The following PLCE1 variants were observed in gnomAD, a reference collection of about 807,000 sequenced individuals.
PLCE1 encodes 1-phosphatidylinositol 4,5-bisphosphate phosphodiesterase epsilon-1.
A neutral mutation model predicts 242.8 loss-of-function variants in PLCE1; 119 were observed. The observed-to-expected ratio is 0.49, with a 90% CI of 0.42 to 0.57. The LOEUF is 0.57. PLCE1 is among the 20% of genes least tolerant of loss of function. The pLI is 0.00. For synonymous variants in PLCE1, 945 were observed against 1,017.4 expected (o/e 0.93, Z 1.35); for missense variants, 2,441 against 2,788.8 (o/e 0.88, Z 2.81).
intron 22 of PLCE1, chr10:94,287,099 T>C (rs2052476642): frequency 6.6e-6 from 1 of 152,244 alleles, no homozygotes; most frequent in South Asian, 2.1e-4. Flanking sequence ...CAGGAGGTCA[T>C]GTGATAGAGC....
chr10:94,103,077 A>G (rs565297258), intron 2 of PLCE1, among the ~76,000 whole-genome samples: 1 of 152,356 alleles, frequency 6.6e-6, no homozygotes, highest in South Asian at 2.1e-4. Context: ...AGATAGATAT[A>G]CCAAAAATTT....
chr10:94,284,193 G>A (rs1221280251), intron 21 of PLCE1, among the ~76,000 whole-genome samples: 1 of 152,234 alleles, frequency 6.6e-6, no homozygotes, highest in Non-Finnish European at 1.5e-5. Flanking sequence ...TGTCAACTGT[G>A]TTGAATGTAA....
At chr10:94,240,094 C>G (rs1412471451) in intron 7 of PLCE1, among the ~76,000 whole-genome samples, 2 of 152,182 alleles carry the variant, frequency 1.3e-5, no homozygotes, top group African/African-American at 4.8e-5. Flanking sequence ...TTCCCACTAT[C>G]TGCACAACAT....
chr10:94,311,731 G>C (rs1380285828), intron 27 of PLCE1, among the ~76,000 whole-genome samples: 1 of 152,148 alleles, frequency 6.6e-6, no homozygotes, highest in Non-Finnish European at 1.5e-5. Flanking sequence ...CTCTGGGTTT[G>C]CCACCTCTGT....
At chr10:94,018,471 T>C (rs886156772) in intron 1 of PLCE1, among the ~76,000 whole-genome samples, 3 of 152,170 alleles carry the variant, frequency 2.0e-5, no homozygotes, top group East Asian at 3.9e-4. Flanking sequence ...TGTGATTCCC[T>C]CTCTGTTCTG....
At chr10:94,312,677 G>C (rs373679000) in intron 27 of PLCE1, among the ~76,000 whole-genome samples, 1 of 152,198 alleles carries the variant, frequency 6.6e-6, no homozygotes. Context: ...CCTTGGCAGG[G>C]ATAGTGTCCC....
intron 20 of PLCE1, chr10:94,280,203 T>C (rs1246570292): frequency 2.3e-6 from 1 of 437,976 alleles, no homozygotes; most frequent in East Asian, 4.9e-5. Flanking sequence ...TTTTCACCCT[T>C]TAGTTTCTAG....
Position 94,236,114 on chromosome 10 carries a change from G to T in PLCE1, c.2414G>T (p.Arg805Leu), listed in dbSNP as rs757088793. 16 of 1,612,888 alleles carry T rather than the reference G, an allele frequency of 9.9e-6. No homozygotes were observed. In the Admixed American group the frequency reaches 1.8e-4, roughly 18 times the overall value. Reference sequence around the variant, plus strand: ...AAAAGCTCCTTGAAGGATAAAAGCCGATGGCAGTAAGTTTTACACGTTAAA... The same window carrying T: ...AAAAGCTCCTTGAAGGATAAAAGCCTATGGCAGTAAGTTTTACACGTTAAA... The part of the protein sequence containing the change: ...SRKSSLKDKS[R>L]WQFIIGDLLD... Residue 805 changes from arginine (R) to leucine (L), a missense_variant, in exon 7 of 33, where the codon CGA becomes CTA. Transcript: ENST00000371380.
intron 1 of PLCE1, among the ~76,000 whole-genome samples, chr10:94,015,641 G>C (rs547381568): frequency 2.0e-5 from 3 of 152,142 alleles, no homozygotes; most frequent in Non-Finnish European, 4.4e-5. Flanking sequence ...AAAGCTTCCT[G>C]ACTAGAACGT....
intron 4 of PLCE1, among the ~76,000 whole-genome samples, chr10:94,206,804 C>G (rs2049171067): frequency 6.6e-6 from 1 of 152,180 alleles, no homozygotes; most frequent in African/African-American, 2.4e-5. Context: ...TCCAGACCAA[C>G]TCTTAATCAG....
rs770246086 is a variant in PLCE1, at chr10:94,171,433, G to T, written c.1746G>T (p.Ser582=). The change falls in exon 4 of 33, where the codon TCG becomes TCT. Residue 582 remains serine (S), a synonymous_variant. Coordinates refer to ENST00000371380, the MANE Select transcript of PLCE1 (RefSeq NM_016341.4). ...GCCTCAAAGCATCCATCTCAGCGTC[G>T]ATTCTTACCACTCAGAATGGAGAGC... ...LPCLKASISA[S]ILTTQNGEHN... is the part of the protein sequence containing the mutation. 2 of 1,614,176 alleles carry T rather than the reference G, an allele frequency of 1.2e-6. No individual in the cohort carries two copies. The highest frequency in any genetic ancestry group is 8.5e-7 in the Non-Finnish European group (1 of 1,180,014).
chr10:94,151,388 A>G (rs2047269785), intron 3 of PLCE1, among the ~76,000 whole-genome samples: 2 of 152,238 alleles, frequency 1.3e-5, no homozygotes, highest in South Asian at 4.1e-4. Context: ...ACTGGTGGGC[A>G]AATGGACGCA....
intron 5 of PLCE1, among the ~76,000 whole-genome samples, chr10:94,230,116 A>G (rs1162497355): frequency 6.6e-6 from 1 of 152,164 alleles, no homozygotes; most frequent in Non-Finnish European, 1.5e-5. Flanking sequence ...TTTTATGGAC[A>G]TTGTACATTT....
chr10:94,029,815 C>T (rs1334482113), intron 1 of PLCE1, among the ~76,000 whole-genome samples: 1 of 152,086 alleles, frequency 6.6e-6, no homozygotes, highest in Non-Finnish European at 1.5e-5. Flanking sequence ...GTGTTGGCAG[C>T]AGAGCGTGAC....
intron 2 of PLCE1, chr10:94,100,187 T>C (rs540195625): frequency 2.0e-5 from 3 of 152,126 alleles, no homozygotes; most frequent in African/African-American, 7.2e-5. Flanking sequence ...TTAGATGAAA[T>C]ACTTTAGGGA....
At chr10:94,249,170 A>G (rs1438660397) in intron 8 of PLCE1, among the ~76,000 whole-genome samples, 3 of 152,220 alleles carry the variant, frequency 2.0e-5, no homozygotes, top group Non-Finnish European at 4.4e-5. Context: ...TACATGAGCC[A>G]TTTATGAAGT....
Position 94,017,192 on chromosome 10 carries a change from C to T in PLCE1, c.-364-13491C>T, listed in dbSNP as rs556926390. 1.8e-3 allele frequency among the ~76,000 whole-genome samples: 277 copies of T among 152,252 alleles called. 1 individual carries two copies. Among genetic ancestry groups the T allele is most frequent in the Middle Eastern group, 3.4e-3 (1 of 294 alleles). On this transcript the variant is annotated intron_variant, in intron 1 of 32. Coordinates refer to ENST00000371380, the MANE Select transcript of PLCE1 (RefSeq NM_016341.4). ...CCCTGCTTGCTTCAGATTGTGGACT[C>T]TGAAAACAGTTCTGTCTGTTTTATT...
intron 1 of PLCE1, among the ~76,000 whole-genome samples, chr10:94,016,280 A>T (rs750781005): frequency 3.3e-5 from 5 of 152,084 alleles, no homozygotes; most frequent in Middle Eastern, 3.4e-3. Context: ...AGTGTCCCTT[A>T]TCTGAAATAC....
In PLCE1 at chr10:94,313,383, G is replaced by A. The variant is rs1373302698; in HGVS notation, c.6132+1G>A. 1 of 1,614,060 alleles carries A rather than the reference G, an allele frequency of 6.2e-7. No individual in the cohort carries two copies. The highest frequency in any genetic ancestry group is 1.3e-5 in the African/African-American group (1 of 74,936). ...CAAGGCAAAGCAGCTTCTGCAGCAA[G>A]TAAGTCCACTGAGCCGTGGTTGGGA... is the stretch of plus-strand genomic sequence containing the variant. On this transcript the variant is annotated splice_donor_variant, in intron 28 of 32. Coordinates refer to ENST00000371380, the MANE Select transcript of PLCE1 (RefSeq NM_016341.4). LOFTEE classifies it high-confidence loss of function.
Sources: allele counts gnomAD v4.1 joint callset (sites outside exome capture counted in the v4.1 genomes callset), GRCh38; gene constraint gnomAD v4.1.1; transcripts MANE v1.5; gene names NCBI Gene and HGNC (gene_info 2026-07-23, HGNC 2026-07-21).